NARS2: variants seen among roughly 807,000 people sequenced by gnomAD.
The protein encoded by NARS2 is asparaginyl-tRNA synthetase.
NARS2 carries 60 observed loss-of-function variants against 62.9 expected under a neutral mutation model. The ratio of observed to expected loss-of-function variants is 0.95; its 90% CI spans 0.77 to 1.18. NARS2 has a LOEUF of 1.18. Ranked by LOEUF, NARS2 falls within the 50% of genes most tolerant of loss-of-function variation. The pLI, the probability that NARS2 is intolerant of heterozygous loss-of-function variation, is 0.00. For missense variants in NARS2, 619 were observed against 576.4 expected (o/e 1.07, Z -0.76); for synonymous variants, 196 against 200.0 (o/e 0.98, Z 0.17).
At chr11:78,459,078 C>T (rs1204157548) in intron 11 of NARS2, among the ~76,000 whole-genome samples, 7 of 151,948 alleles carry the variant, frequency 4.6e-5, no homozygotes, top group East Asian at 1.9e-4. Flanking sequence ...CCATGCCTGG[C>T]TACTTTTTGT....
chr11:78,470,882 A>ATTTTTTT (rs67863152), intron 9 of NARS2, among the ~76,000 whole-genome samples: 1 of 135,162 alleles, frequency 7.4e-6, no homozygotes, highest in African/African-American at 2.8e-5. Context: ...AGTATTTTGG[A>ATTTTTTT]TTTTTTTTTT....
At chr11:78,505,041 A>C (rs1451012278) in intron 6 of NARS2, among the ~76,000 whole-genome samples, 1 of 151,708 alleles carries the variant, frequency 6.6e-6, no homozygotes, top group African/African-American at 2.4e-5. Context: ...TTCACAGGTA[A>C]ATTTTTACAA....
intron 3 of NARS2, among the ~76,000 whole-genome samples, chr11:78,568,303 G>A (rs371768295): frequency 2.6e-4 from 40 of 152,014 alleles, no homozygotes; most frequent in African/African-American, 8.7e-4. Flanking sequence ...TTGGATGATC[G>A]GTTCTACATC....
At chr11:78,560,491 G>T (rs1856521786) in intron 4 of NARS2, among the ~76,000 whole-genome samples, 1 of 152,200 alleles carries the variant, frequency 6.6e-6, no homozygotes, top group Admixed American at 6.5e-5. Flanking sequence ...AACGAAAAGT[G>T]AATTTATAAT....
At chr11:78,562,573 C>G (rs1856593264) in intron 4 of NARS2, among the ~76,000 whole-genome samples, 1 of 152,144 alleles carries the variant, frequency 6.6e-6, no homozygotes. Context: ...TACTGGCTCA[C>G]TGAGGAAGAG....
At chr11:78,491,978 C>T (rs1477549348) in intron 7 of NARS2, among the ~76,000 whole-genome samples, 1 of 151,910 alleles carries the variant, frequency 6.6e-6, no homozygotes, top group Admixed American at 6.6e-5. Flanking sequence ...CCCATAATTA[C>T]AAATCCAAAC....
intron 6 of NARS2, among the ~76,000 whole-genome samples, chr11:78,526,850 T>C (rs1040904459): frequency 2.6e-5 from 4 of 152,050 alleles, no homozygotes; most frequent in Non-Finnish European, 5.9e-5. Flanking sequence ...AAATGAATAC[T>C]AAAAGGCTGT....
chr11:78,474,430 G>A (rs1185813094), intron 9 of NARS2, among the ~76,000 whole-genome samples: 1 of 152,156 alleles, frequency 6.6e-6, no homozygotes, highest in African/African-American at 2.4e-5. Context: ...ATATTAGGCA[G>A]TCAATAAATA....
At position 78,574,595 on chromosome 11, in the gene NARS2, CT is replaced by C; in HGVS notation, c.-108del. On this transcript the variant is annotated 5_prime_UTR_variant, in exon 1 of 14. Transcript: ENST00000281038. ...CTGCTCCCCTTCCGCGGCCGCAGCTCTGCTCTAAGGCACTCCAGAGCCCCTC... is the reference window on the plus strand; with the variant it reads ...CTGCTCCCCTTCCGCGGCCGCAGCTCGCTCTAAGGCACTCCAGAGCCCCTC... 7.6e-7 allele frequency: 1 copy of C among 1,323,684 alleles called. No individual in the cohort carries two copies. 82.0% of individuals were successfully genotyped at this position (1,323,684 alleles called of 1,614,324 possible).
chr11:78,451,051 C>T (rs193212171), intron 11 of NARS2, among the ~76,000 whole-genome samples: 1 of 152,280 alleles, frequency 6.6e-6, no homozygotes, highest in Non-Finnish European at 1.5e-5. Flanking sequence ...TTCCCTTCCA[C>T]CGTATCAGAT....
rs73504915 is a variant in NARS2, at chr11:78,443,846, G to A, written c.1165-88C>T. ...AAGCAAGTAAACCTTTAACATTTTG[G>A]CAATGGCTAATTAACTACCTACCAG... On this transcript the variant is annotated intron_variant, in intron 11 of 13. Transcript: ENST00000281038. 5.2e-3 allele frequency: 4,722 copies of A among 906,510 alleles called. 159 individuals are homozygous for A. The African/African-American group carries it at 0.07, about 14-fold the overall frequency. The allele number at this position is 906,510 out of a possible 1,614,324, so 56.2% of individuals were successfully genotyped here.
chr11:78,440,627 G>C (rs940520584), intron 13 of NARS2, among the ~76,000 whole-genome samples: 2 of 151,662 alleles, frequency 1.3e-5, no homozygotes, highest in East Asian at 3.9e-4. Context: ...CTGCCTCCCA[G>C]GTTCAAGCGA....
In NARS2 at chr11:78,511,554, A is replaced by C. The variant is rs371046334; in HGVS notation, c.689+17288T>G. Reference sequence around the variant, plus strand: ...AACACAGTGAAATCCCATCTCTACTAAAAATACAAAAAATTAGCCGGGCGT... The same window carrying C: ...AACACAGTGAAATCCCATCTCTACTCAAAATACAAAAAATTAGCCGGGCGT... On this transcript the variant is annotated intron_variant, in intron 6 of 13. Transcript: ENST00000281038. Among the ~76,000 whole-genome samples the C allele has an allele frequency of 5.9e-5, 9 of 152,112 alleles. No homozygotes were observed. In the East Asian group the frequency reaches 9.7e-4, roughly 16 times the overall value.
chr11:78,571,517 AAATG>A, intron 1 of NARS2, 73 bp from the exon 2 acceptor site: 3 of 992,142 alleles, frequency 3.0e-6, no homozygotes. Flanking sequence ...CACACAGACT[AAATG>A]AAAGTAAAAC....
Position 78,448,479 on chromosome 11 carries a change from C to T in NARS2, c.1165-4721G>A, listed in dbSNP as rs992414666. Among the ~76,000 whole-genome samples the T allele has an allele frequency of 2.1e-4, 32 of 151,820 alleles. 1 individual carries two copies. Among genetic ancestry groups the T allele is most frequent in the African/African-American group, 7.5e-4 (31 of 41,304 alleles). On this transcript the variant is annotated intron_variant, in intron 11 of 13. Transcript: ENST00000281038. ...CTAATTTTTGTATTTTTAGTAGAGA[C>T]GGGGTTTCACTATGTCGGCCAGGCT... is the stretch of plus-strand genomic sequence containing the variant.
chr11:78,504,933 A>G (rs1228850739), intron 6 of NARS2, among the ~76,000 whole-genome samples: 1 of 152,112 alleles, frequency 6.6e-6, no homozygotes, highest in African/African-American at 2.4e-5. Context: ...TAGATGCCCC[A>G]GCTCTGCCCC....
chr11:78,453,018 T>C (rs531373794), intron 11 of NARS2, among the ~76,000 whole-genome samples: 1 of 152,332 alleles, frequency 6.6e-6, no homozygotes, highest in East Asian at 1.9e-4. Flanking sequence ...AATTCACTGG[T>C]TGCAGAGCAA....
At chr11:78,527,146 G>A (rs879898531) in intron 6 of NARS2, among the ~76,000 whole-genome samples, 7 of 152,228 alleles carry the variant, frequency 4.6e-5, no homozygotes, top group Admixed American at 2.6e-4. Context: ...TGTTGGTCCT[G>A]TAGGACATTA....
intron 7 of NARS2, among the ~76,000 whole-genome samples, chr11:78,480,438 G>A (rs1167981932): frequency 6.6e-6 from 1 of 151,840 alleles, no homozygotes; most frequent in Non-Finnish European, 1.5e-5. Context: ...TATTTTCAGT[G>A]GAGATGGGGT....
Sources: allele counts gnomAD v4.1 joint callset (sites outside exome capture counted in the v4.1 genomes callset), GRCh38; gene constraint gnomAD v4.1.1; transcripts MANE v1.5; gene names NCBI Gene and HGNC (gene_info 2026-07-23, HGNC 2026-07-21).